EPHB4: variants seen among roughly 807,000 people sequenced by gnomAD.
EPHB4 encodes EPH receptor B4.
EPHB4 carries 50 observed loss-of-function variants against 110.6 expected under a neutral mutation model. The observed-to-expected ratio is 0.45, with a 90% CI of 0.36 to 0.57. The LOEUF (loss-of-function observed/expected upper bound fraction) is 0.57, where lower values mean the gene tolerates loss of function less well. Among genes scored for constraint, EPHB4 ranks in the 20% least tolerant of loss-of-function variants. EPHB4 has a pLI of 0.00. For synonymous variants in EPHB4, 592 were observed against 578.4 expected, an observed-to-expected ratio of 1.02 and a Z score of -0.34; for missense variants, 1,128 against 1,382.1, an observed-to-expected ratio of 0.82 and a Z score of 2.91.
chr7:100,825,999 C>T (rs912318766), intron 1 of EPHB4, among the ~76,000 whole-genome samples: 2 of 152,232 alleles, frequency 1.3e-5, no homozygotes, highest in Non-Finnish European at 2.9e-5. Flanking sequence ...CCTGCCCAGC[C>T]AGGGGGAGAG....
At chr7:100,816,121 G>A (rs1006215131) in intron 8 of EPHB4, among the ~76,000 whole-genome samples, 1 of 151,176 alleles carries the variant, frequency 6.6e-6, no homozygotes, top group African/African-American at 2.4e-5. Context: ...AGCTGAGATC[G>A]CGCCACCGCA....
At chr7:100,813,566 T>C (rs1812997369) in intron 10 of EPHB4, 86 bp downstream of exon 10, 6 of 1,462,466 alleles carry the variant, frequency 4.1e-6, no homozygotes, top group Non-Finnish European at 5.7e-6. Flanking sequence ...TCTGCCCACC[T>C]CTGCCTCCCA....
intron 12 of EPHB4, among the ~76,000 whole-genome samples, chr7:100,808,272 G>A (rs1009499779): frequency 2.0e-5 from 3 of 152,164 alleles, no homozygotes; most frequent in African/African-American, 7.2e-5. Flanking sequence ...AGGTTGGAGT[G>A]CAGTGGCACG....
chr7:100,826,944 T>C, intron 1 of EPHB4, 35 bp downstream of exon 1: 1 of 1,519,700 alleles, frequency 6.6e-7, no homozygotes, highest in Non-Finnish European at 8.8e-7. Flanking sequence ...GTCCCAGGAG[T>C]GACGGGGTGC....
At position 100,807,548 on chromosome 7, in the gene EPHB4, G is replaced by A. The variant is rs112613465; in HGVS notation, c.2151C>T (p.Leu717=). The change falls in exon 13 of 17, where the codon CTC becomes CTT. Residue 717 remains leucine, a synonymous_variant. Transcript: ENST00000358173. ...LNDGQFTVIQ[L]VGMLRGIASG... is the part of the protein sequence containing the mutation. The stretch of plus-strand genomic sequence containing the variant: ...AGGCGATGCCCCGCAGCATGCCCAC[G>A]AGCTGGATGACTGTGAACTGTCCGT... 83 of 1,614,094 alleles carry A rather than the reference G, an allele frequency of 5.1e-5. No individual in the cohort carries two copies. The highest frequency in any genetic ancestry group is 3.7e-4 in the South Asian group (34 of 91,084).
intron 3 of EPHB4, among the ~76,000 whole-genome samples, chr7:100,823,191 G>A (rs1055734048): frequency 2.0e-5 from 3 of 152,204 alleles, no homozygotes; most frequent in African/African-American, 7.2e-5. Context: ...ACAGAGGTAT[G>A]CAGGATTGTA....
intron 4 of EPHB4, 167 bp from the exon 5 acceptor site, chr7:100,820,463 T>G: frequency 2.4e-6 from 1 of 413,506 alleles, no homozygotes; most frequent in Non-Finnish European, 3.6e-6. Flanking sequence ...AGATCCCATC[T>G]CCAAAAAAAA....
chr7:100,818,441 G>T, intron 7 of EPHB4, 79 bp downstream of exon 7: 1 of 1,565,716 alleles, frequency 6.4e-7, no homozygotes, highest in Non-Finnish European at 8.7e-7. Flanking sequence ...ATGCCTGCCA[G>T]GTGCCTGCAA....
In EPHB4 at chr7:100,822,593, C is replaced by CTTGACA; in HGVS notation, c.480_485dup (p.Asn160_Val161dup). 1 of 1,611,048 alleles carries CTTGACA rather than the reference C, an allele frequency of 6.2e-7. No homozygotes were observed. Among genetic ancestry groups the CTTGACA allele is most frequent in the Non-Finnish European group, 8.5e-7 (1 of 1,178,528 alleles). ...TGCTGAGCGGTCCCAGACGCAGCGT[C>CTTGACA]TTGACATTCACCTTCCCGGTGGCCT... On this transcript the variant is annotated inframe_insertion, in exon 4 of 17. Transcript: ENST00000358173. The surrounding 1 kb of genome is among the most constrained non-coding windows in gnomAD (Gnocchi z 4.7).
intron 1 of EPHB4, chr7:100,824,924 GA>G (rs1813332800): frequency 1.3e-5 from 2 of 152,658 alleles, no homozygotes; most frequent in South Asian, 4.1e-4. Flanking sequence ...TGGGAAGGCA[GA>G]GGGGAGGAGA....
At chr7:100,826,401 AAGGAGCCACCCTATACC>A (rs1425079685) in intron 1 of EPHB4, among the ~76,000 whole-genome samples, 3 of 152,118 alleles carry the variant, frequency 2.0e-5, no homozygotes, top group African/African-American at 7.2e-5. Flanking sequence ...TGTAGAAACC[AAGGAGCCACCCTATACC>A]AGGGGCAGGA....
rs758989618 is a variant in EPHB4, at chr7:100,817,325, C to T, written c.1455G>A (p.Leu485=). 6.3e-7 allele frequency: 1 copy of T among 1,585,952 alleles called. No individual in the cohort carries two copies. Residue 485 remains leucine (L), a synonymous_variant, in exon 8 of 17, where the codon CTG becomes CTA. Transcript: ENST00000358173. ...GAEGPSSVRF[L]KTSENRAELR... is the part of the protein sequence containing the mutation. ...GCTCTGCCCGGTTTTCTGACGTCTT[C>T]AGGAACCGCACGCTGCTGGGACCCT...
At position 100,818,560 on chromosome 7, in the gene EPHB4, C is replaced by A. The variant is rs1813138661; in HGVS notation, c.1382G>T (p.Ser461Ile). The change falls in exon 7 of 17, where the codon AGT becomes ATT. Residue 461 changes from serine (S) to isoleucine (I), a missense_variant. Transcript: ENST00000358173. Reference protein sequence around the residue: ...SLAWAVPRAPSGAVLDYEVKY... With the variant: ...SLAWAVPRAPIGAVLDYEVKY... ...GACCTCGTAGTCCAGCACAGCCCCA[C>A]TGGGTGCCCGGGGAACAGCCCAGGC... 6.2e-7 allele frequency: 1 copy of A among 1,614,072 alleles called. No homozygotes were observed.
At chr7:100,819,995 T>G in intron 5 of EPHB4, 106 bp from the exon 6 acceptor site, 1 of 1,467,202 alleles carries the variant, frequency 6.8e-7, no homozygotes. Context: ...TTGGAGACAG[T>G]GGGCTCCACA....
In EPHB4 at chr7:100,820,871, AT is replaced by A. The variant is rs879462196; in HGVS notation, c.809-576del. ...TTGGAATGGCCTGTAAATACCTGTGATTTTTTTTTTTTCCTGAGAAGGAGGC... is the reference window on the plus strand; with the variant it reads ...TTGGAATGGCCTGTAAATACCTGTGATTTTTTTTTTTCCTGAGAAGGAGGC... On this transcript the variant is annotated intron_variant, in intron 4 of 16. Transcript: ENST00000358173. Among the ~76,000 whole-genome samples, 215 of 146,568 alleles carry A rather than the reference AT, an allele frequency of 1.5e-3. 1 individual carries two copies. The highest frequency in any genetic ancestry group is 4.3e-3 in the African/African-American group (173 of 40,188).
chr7:100,822,497 G>A lies in EPHB4; in HGVS notation c.582C>T (p.Tyr194=). ...TCACAGTCAGCTGGGCGCACTTTTT[G>A]TAGAAGAGGTGCAGGGATAGCAGGG... ...CMALLSLHLF[Y]KKCAQLTVNL... Residue 194 remains tyrosine (Y), a synonymous_variant, in exon 4 of 17, where the codon TAC becomes TAT. Coordinates refer to ENST00000358173, the MANE Select transcript of EPHB4 (RefSeq NM_004444.5). This position sits in a 1 kb window ranked among gnomAD's most constrained non-coding sequence, Gnocchi z 4.7. The A allele has an allele frequency of 6.2e-7, 1 of 1,613,228 alleles. No homozygotes were observed.
intron 14 of EPHB4, chr7:100,806,052 G>A: frequency 3.7e-6 from 1 of 269,954 alleles, no homozygotes; most frequent in African/African-American, 2.2e-5. Flanking sequence ...CTCTGTTCCT[G>A]GGTTCAAGCG....
Position 100,805,748 on chromosome 7 carries a change from C to G in EPHB4, c.2485-54G>C, listed in dbSNP as rs1265509077. On this transcript the variant is annotated intron_variant, in intron 14 of 16. Coordinates refer to ENST00000358173, the MANE Select transcript of EPHB4 (RefSeq NM_004444.5). ...AGGCTGTCCAGGAAAAGCAAAGATG[C>G]TAACAGGCCCAGGAAATGGTGACTT... 5.8e-6 allele frequency: 8 copies of G among 1,383,690 alleles called. No homozygotes were observed. In the East Asian group the frequency reaches 1.9e-4, roughly 33 times the overall value. The allele number at this position is 1,383,690 out of a possible 1,614,324, so 85.7% of individuals were successfully genotyped here.
chr7:100,813,368 C>G (rs927497150), intron 10 of EPHB4, 160 bp from the exon 11 acceptor site: 2 of 626,690 alleles, frequency 3.2e-6, no homozygotes, highest in South Asian at 4.1e-5. Flanking sequence ...AGGCCTGGAG[C>G]GCAGTGGCGC....
Sources: allele counts gnomAD v4.1 joint callset (sites outside exome capture counted in the v4.1 genomes callset), GRCh38; gene constraint gnomAD v4.1.1; non-coding constraint Gnocchi (gnomAD v3.1); transcripts MANE v1.5; gene names NCBI Gene and HGNC (gene_info 2026-07-23, HGNC 2026-07-21).